Variants in SMAP1 observed in about 807,000 individuals in gnomAD.
The protein encoded by SMAP1 is small ArfGAP 1.
In SMAP1, 24 loss-of-function variants were observed where a neutral mutation model predicts 58.5. The observed-to-expected ratio is 0.41, with a 90% CI of 0.30 to 0.58. The LOEUF (loss-of-function observed/expected upper bound fraction) is 0.58. Among genes scored for constraint, SMAP1 ranks in the 20% least tolerant of loss-of-function variants. SMAP1 has a pLI of 0.29. For synonymous variants in SMAP1, 216 were observed against 196.6 expected (o/e 1.10, Z -0.82); for missense variants, 563 against 566.3 (o/e 0.99, Z 0.06).
intron 3 of SMAP1, among the ~76,000 whole-genome samples, chr6:70,769,810 T>G (rs1428715944): frequency 2.0e-5 from 3 of 152,212 alleles, no homozygotes; most frequent in South Asian, 4.1e-4. Flanking sequence ...GTTAGCTGGT[T>G]ATTTTGCTCG....
intron 8 of SMAP1, among the ~76,000 whole-genome samples, chr6:70,856,229 T>C (rs1405103399): frequency 1.3e-5 from 2 of 152,224 alleles, no homozygotes; most frequent in Non-Finnish European, 2.9e-5. Flanking sequence ...GAATATTTTA[T>C]ATTAAATATC....
At chr6:70,795,134 T>C (rs1768548354) in intron 5 of SMAP1, among the ~76,000 whole-genome samples, 1 of 152,194 alleles carries the variant, frequency 6.6e-6, no homozygotes. Flanking sequence ...GCATGTGTCT[T>C]GACAGCTGTA....
At chr6:70,827,655 G>A (rs1034228617) in intron 6 of SMAP1, among the ~76,000 whole-genome samples, 16 of 152,336 alleles carry the variant, frequency 1.1e-4, no homozygotes, top group Admixed American at 9.1e-4. Flanking sequence ...GAGAATGGAC[G>A]TGTAAGAGAG....
At chr6:70,768,430 C>T (rs1489611604) in intron 3 of SMAP1, among the ~76,000 whole-genome samples, 4 of 152,244 alleles carry the variant, frequency 2.6e-5, no homozygotes, top group East Asian at 1.9e-4. Context: ...ATTTCAGCTC[C>T]TGTTATTGGT....
chr6:70,676,890 C>T (rs1206024146), intron 1 of SMAP1, among the ~76,000 whole-genome samples: 3 of 152,094 alleles, frequency 2.0e-5, no homozygotes, highest in African/African-American at 7.2e-5. Flanking sequence ...TCAAGTGATC[C>T]ACCTGCCACA....
At position 70,779,439 on chromosome 6, in the gene SMAP1, A is replaced by T. The variant is rs1294391551; in HGVS notation, c.414+6014A>T. On this transcript the variant is annotated intron_variant, in intron 4 of 10. Transcript: ENST00000370455. ...AGATCCAGTATGAATTCTCTCTGAG[A>T]TAGTTTAGTTGCGTGGACTCCAGGC... 2.6e-5 allele frequency among the ~76,000 whole-genome samples: 4 copies of T among 152,088 alleles called. No homozygotes were observed. In the East Asian group the frequency reaches 7.7e-4, roughly 29 times the overall value.
At chr6:70,678,505 G>A (rs1766572592) in intron 1 of SMAP1, among the ~76,000 whole-genome samples, 1 of 152,156 alleles carries the variant, frequency 6.6e-6, no homozygotes, top group African/African-American at 2.4e-5. Flanking sequence ...AAAATTAACA[G>A]AAGAATGTTT....
chr6:70,684,301 G>A (rs898638954), intron 1 of SMAP1, among the ~76,000 whole-genome samples: 2 of 152,224 alleles, frequency 1.3e-5, no homozygotes, highest in African/African-American at 4.8e-5. Context: ...AGATTGTACA[G>A]ATAGATGGAA....
chr6:70,715,467 A>C (rs1442103652), intron 1 of SMAP1, among the ~76,000 whole-genome samples: 1 of 152,162 alleles, frequency 6.6e-6, no homozygotes, highest in Non-Finnish European at 1.5e-5. Context: ...TTTCTTTCCC[A>C]GGCATGGGAA....
At chr6:70,725,148 G>A (rs1161393617) in intron 1 of SMAP1, among the ~76,000 whole-genome samples, 2 of 100,528 alleles carry the variant, frequency 2.0e-5, no homozygotes, top group Non-Finnish European at 3.8e-5. Flanking sequence ...ACGGAGTCTC[G>A]CTCTGTCGCC....
At chr6:70,748,023 A>C (rs1462118531) in intron 2 of SMAP1, among the ~76,000 whole-genome samples, 1 of 152,144 alleles carries the variant, frequency 6.6e-6, no homozygotes, top group Non-Finnish European at 1.5e-5. Flanking sequence ...GAAGGAATGG[A>C]CTCTGTATTA....
At chr6:70,803,472 G>C (rs1041547558) in intron 6 of SMAP1, among the ~76,000 whole-genome samples, 2 of 151,964 alleles carry the variant, frequency 1.3e-5, no homozygotes, top group Admixed American at 1.3e-4. Flanking sequence ...TTTTTTGAAG[G>C]TTTTTTTGTG....
At chr6:70,819,191 A>G (rs1769776250) in intron 6 of SMAP1, among the ~76,000 whole-genome samples, 1 of 152,092 alleles carries the variant, frequency 6.6e-6, no homozygotes, top group Non-Finnish European at 1.5e-5. Flanking sequence ...TAGCATGTAA[A>G]AGTACTGCAT....
intron 6 of SMAP1, among the ~76,000 whole-genome samples, chr6:70,827,099 G>C (rs995795925): frequency 2.6e-5 from 4 of 152,118 alleles, no homozygotes; most frequent in African/African-American, 7.2e-5. Flanking sequence ...TTATGAACCG[G>C]ATAGACAGCT....
intron 1 of SMAP1, among the ~76,000 whole-genome samples, chr6:70,706,877 A>G (rs1767862606): frequency 6.6e-6 from 1 of 152,176 alleles, no homozygotes; most frequent in Non-Finnish European, 1.5e-5. Flanking sequence ...TTGCTAATGT[A>G]TAGCCCCAGG....
intron 1 of SMAP1, among the ~76,000 whole-genome samples, chr6:70,729,066 C>T (rs1447409274): frequency 6.6e-6 from 1 of 152,026 alleles, no homozygotes; most frequent in African/African-American, 2.4e-5. Context: ...TCTACTTTTA[C>T]TGCCTTTCAT....
chr6:70,829,923 T>G (rs556945216), intron 6 of SMAP1, among the ~76,000 whole-genome samples: 2 of 152,192 alleles, frequency 1.3e-5, no homozygotes, highest in Non-Finnish European at 2.9e-5. Flanking sequence ...TGGTGGTAAA[T>G]GTAGGAGTTG....
At chr6:70,783,968 C>G (rs1272597939) in intron 4 of SMAP1, among the ~76,000 whole-genome samples, 3 of 152,138 alleles carry the variant, frequency 2.0e-5, no homozygotes, top group Non-Finnish European at 2.9e-5. Flanking sequence ...AAAGATACTC[C>G]TCGAGAAGAG....
chr6:70,785,622 C>A (rs1268511330), intron 4 of SMAP1, among the ~76,000 whole-genome samples: 3 of 152,126 alleles, frequency 2.0e-5, no homozygotes, highest in Non-Finnish European at 4.4e-5. Context: ...AAGGGGATAT[C>A]ACCACCGATC....
Sources: gnomAD v4.1 joint callset for allele counts (sites outside exome capture counted in the v4.1 genomes callset) on GRCh38, gnomAD v4.1.1 for gene constraint, MANE v1.5 for transcripts, NCBI Gene and HGNC (gene_info 2026-07-23, HGNC 2026-07-21) for gene names.